Variants in PTPN3 observed in about 807,000 individuals in gnomAD.
PTPN3 encodes protein tyrosine phosphatase non-receptor type 3, also known as tyrosine-protein phosphatase non-receptor type 3.
A neutral mutation model predicts 132.7 loss-of-function variants in PTPN3; 96 were observed. That is an observed-to-expected ratio of 0.72 (90% CI 0.61 to 0.86). The LOEUF (loss-of-function observed/expected upper bound fraction) is 0.86, where lower values mean the gene tolerates loss of function less well. PTPN3 is among the 40% of genes least tolerant of loss of function. The pLI is 0.00. For missense variants in PTPN3, 1,125 were observed against 1,159.6 expected (o/e 0.97, Z 0.43); for synonymous variants, 398 against 429.0 (o/e 0.93, Z 0.89).
intron 1 of PTPN3, among the ~76,000 whole-genome samples, chr9:109,490,874 A>G (rs890679983): frequency 6.7e-6 from 1 of 149,188 alleles, no homozygotes; most frequent in African/African-American, 2.5e-5. Flanking sequence ...TTTTTGCTAT[A>G]AAAAAGGACA....
chr9:109,500,949 C>T (rs891362385), upstream of PTPN3, among the ~76,000 whole-genome samples: 8 of 147,854 alleles, frequency 5.4e-5, no homozygotes, highest in African/African-American at 1.7e-4. Flanking sequence ...AAAAAAAAAG[C>T]TAAAAACACA....
intron 1 of PTPN3, among the ~76,000 whole-genome samples, chr9:109,464,938 G>C (rs1846023061): frequency 6.6e-6 from 1 of 152,158 alleles, no homozygotes; most frequent in African/African-American, 2.4e-5. Context: ...GGAAGGGGGA[G>C]ATGCATTTTC....
At chr9:109,385,739 C>T (rs1839528702) in intron 22 of PTPN3, among the ~76,000 whole-genome samples, 2 of 152,194 alleles carry the variant, frequency 1.3e-5, no homozygotes, top group African/African-American at 4.8e-5. Flanking sequence ...TGTCAATGGA[C>T]AACGAAGATC....
chr9:109,385,407 C>G (rs368974307), intron 22 of PTPN3, among the ~76,000 whole-genome samples: 1 of 152,188 alleles, frequency 6.6e-6, no homozygotes, highest in African/African-American at 2.4e-5. Flanking sequence ...ATCTTCAGAA[C>G]GGTAGATGCT....
intron 1 of PTPN3, among the ~76,000 whole-genome samples, chr9:109,478,954 G>C (rs920803249): frequency 1.3e-5 from 2 of 151,836 alleles, no homozygotes; most frequent in African/African-American, 4.8e-5. Flanking sequence ...ACCTCTTCTG[G>C]TCTTTTCTTT....
the PTPN3 span, among the ~76,000 whole-genome samples, chr9:109,534,834 A>ACAAACAAG: frequency 1.8e-4 from 27 of 148,320 alleles, no homozygotes; most frequent in African/African-American, 6.6e-4. Flanking sequence ...AAACAAACAA[A>ACAAACAAG]CAAAGTTAGT....
chr9:109,456,704 T>G (rs1007175526), intron 4 of PTPN3, among the ~76,000 whole-genome samples: 2 of 152,184 alleles, frequency 1.3e-5, no homozygotes, highest in African/African-American at 4.8e-5. Context: ...TGGGATTCAC[T>G]CCTGAGAGAT....
intron 1 of PTPN3, among the ~76,000 whole-genome samples, chr9:109,489,439 G>A (rs1181189647): frequency 6.6e-6 from 1 of 152,156 alleles, no homozygotes; most frequent in Non-Finnish European, 1.5e-5. Context: ...GGTTTTCCAT[G>A]CTGGCTCACC....
At chr9:109,522,279 A>G in the PTPN3 span, among the ~76,000 whole-genome samples, 1 of 152,236 alleles carries the variant, frequency 6.6e-6, no homozygotes, top group Non-Finnish European at 1.5e-5. Flanking sequence ...GTCTTGTGGC[A>G]TTAAGTGCAG....
the PTPN3 span, among the ~76,000 whole-genome samples, chr9:109,504,406 C>A: frequency 3.3e-5 from 5 of 152,192 alleles, no homozygotes; most frequent in Admixed American, 1.3e-4. Context: ...AAAGTAAATT[C>A]TTTCCCTTGG....
At chr9:109,507,618 G>A in the PTPN3 span, among the ~76,000 whole-genome samples, 7 of 152,358 alleles carry the variant, frequency 4.6e-5, no homozygotes, top group East Asian at 3.9e-4. Context: ...CAAACGGACT[G>A]TCCAGCGATG....
the PTPN3 span, among the ~76,000 whole-genome samples, chr9:109,532,577 C>T: frequency 1.1e-4 from 16 of 139,548 alleles, 1 homozygote; most frequent in African/African-American, 3.7e-4. Flanking sequence ...GTGAAAAAAA[C>T]AGGCTTTAAA....
the PTPN3 span, chr9:109,534,174 C>G: frequency 2.1e-6 from 2 of 950,788 alleles, no homozygotes; most frequent in Non-Finnish European, 3.4e-6. Flanking sequence ...CGATGACCTT[C>G]TTGTCCCCGC....
intron 7 of PTPN3, among the ~76,000 whole-genome samples, chr9:109,442,530 C>T (rs1303279124): frequency 1.3e-5 from 2 of 152,284 alleles, no homozygotes; most frequent in African/African-American, 2.4e-5. Flanking sequence ...TTCTTTAGCC[C>T]CCATTCTATC....
chr9:109,419,693 A>G (rs1393080219), intron 14 of PTPN3, among the ~76,000 whole-genome samples: 4 of 152,220 alleles, frequency 2.6e-5, no homozygotes, highest in African/African-American at 7.2e-5. Context: ...GGCTGAGGGA[A>G]GTGAATACAA....
rs540567356 is a variant in PTPN3 at position 109,408,824 on chromosome 9, TTA to T, written c.1579-449_1579-448del. Reference sequence around the variant, plus strand: ...ATATATATATATATATATATGGGCTTTATATATATATATGGGCTTTAATATAT... The same window carrying T: ...ATATATATATATATATATATGGGCTTTATATATATATGGGCTTTAATATAT... On this transcript the variant is annotated intron_variant, in intron 16 of 25. Coordinates refer to ENST00000374541, the MANE Select transcript of PTPN3 (RefSeq NM_002829.4). Among the ~76,000 whole-genome samples the T allele has an allele frequency of 3.9e-4, 50 of 128,534 alleles. 1 individual carries two copies. The highest frequency in any genetic ancestry group is 3.8e-3 in the Middle Eastern group (1 of 260). 84.3% of individuals were successfully genotyped at this position (128,534 alleles called of 152,430 possible).
In PTPN3 at chr9:109,436,733, A is replaced by G. The variant is rs1217076830; in HGVS notation, c.675+150T>C. On this transcript the variant is annotated intron_variant, in intron 9 of 25. Transcript: ENST00000374541. ...GCAATTGGACAAATGACCAACAAAAAATTCAGCATTACTTAATAAACCTTC... is the reference window on the plus strand; with the variant it reads ...GCAATTGGACAAATGACCAACAAAAGATTCAGCATTACTTAATAAACCTTC... The G allele has an allele frequency of 4.0e-6, 5 of 1,261,088 alleles. No homozygotes were observed. The African/African-American group carries it at 6.1e-5, about 15-fold the overall frequency. 78.1% of individuals were successfully genotyped at this position (1,261,088 alleles called of 1,614,324 possible).
At chr9:109,379,847 C>G (rs111374577) in intron 25 of PTPN3, among the ~76,000 whole-genome samples, 2 of 152,166 alleles carry the variant, frequency 1.3e-5, no homozygotes, top group Non-Finnish European at 2.9e-5. Context: ...GGAGACATGA[C>G]AGAGGGAGAA....
intron 1 of PTPN3, among the ~76,000 whole-genome samples, chr9:109,483,788 G>C (rs1847077127): frequency 6.6e-6 from 1 of 152,168 alleles, no homozygotes; most frequent in Non-Finnish European, 1.5e-5. Flanking sequence ...TCTCCAAGCA[G>C]CCAGGCAGAA....
Sources: allele counts gnomAD v4.1 joint callset (sites outside exome capture counted in the v4.1 genomes callset), GRCh38; gene constraint gnomAD v4.1.1; transcripts MANE v1.5; gene names NCBI Gene and HGNC (gene_info 2026-07-23, HGNC 2026-07-21).